The following EHBP1 variants were observed in gnomAD, a reference collection of about 807,000 sequenced individuals.
EHBP1 encodes EH domain-binding protein 1.
A neutral mutation model predicts 144.0 loss-of-function variants in EHBP1; 55 were observed. The ratio of observed to expected loss-of-function variants is 0.38; its 90% CI spans 0.31 to 0.48. The LOEUF (loss-of-function observed/expected upper bound fraction) is 0.48. EHBP1 is among the 20% of genes least tolerant of loss of function. EHBP1 has a pLI of 0.98. For synonymous variants in EHBP1, 469 were observed against 472.7 expected (o/e 0.99, Z 0.10); for missense variants, 1,200 against 1,364.2 (o/e 0.88, Z 1.90).
At chr2:62,853,009 T>C (rs557821677) in intron 7 of EHBP1, among the ~76,000 whole-genome samples, 13 of 152,220 alleles carry the variant, frequency 8.5e-5, no homozygotes, top group Non-Finnish European at 1.6e-4. Flanking sequence ...TGGTTTACTT[T>C]GACTATCTCA....
chr2:62,785,550 A>G (rs1462300043), intron 5 of EHBP1, among the ~76,000 whole-genome samples: 2 of 152,332 alleles, frequency 1.3e-5, no homozygotes, highest in South Asian at 2.1e-4. Flanking sequence ...CTTAGTCAGT[A>G]TAGAGAACAC....
intron 10 of EHBP1, among the ~76,000 whole-genome samples, chr2:62,927,522 G>A (rs1157385021): frequency 6.6e-6 from 1 of 151,924 alleles, no homozygotes; most frequent in Admixed American, 6.6e-5. Context: ...AAGAGACAAA[G>A]GACATTATAT....
At chr2:62,950,425 C>T (rs1175751533) in intron 13 of EHBP1, among the ~76,000 whole-genome samples, 1 of 152,002 alleles carries the variant, frequency 6.6e-6, no homozygotes, top group Middle Eastern at 3.2e-3. Flanking sequence ...TTGAGATTTA[C>T]AAAATATGTA....
chr2:62,847,529 C>G (rs1430452245), intron 7 of EHBP1, among the ~76,000 whole-genome samples: 2 of 152,092 alleles, frequency 1.3e-5, no homozygotes, highest in Non-Finnish European at 2.9e-5. Context: ...AAAACTTACA[C>G]TAATCAAAAT....
chr2:62,769,821 G>T (rs1014333636), intron 4 of EHBP1, among the ~76,000 whole-genome samples: 3 of 144,446 alleles, frequency 2.1e-5, no homozygotes, highest in African/African-American at 7.5e-5. Context: ...AAAAAAGCAG[G>T]CATGTAGACT....
At chr2:62,993,058 G>A (rs936497893) in intron 16 of EHBP1, among the ~76,000 whole-genome samples, 1 of 152,154 alleles carries the variant, frequency 6.6e-6, no homozygotes, top group African/African-American at 2.4e-5. Flanking sequence ...TTCCTTAGCT[G>A]TAAAGGGCTT....
intron 14 of EHBP1, among the ~76,000 whole-genome samples, chr2:62,969,224 A>G (rs778848870): frequency 1.3e-5 from 2 of 152,290 alleles, no homozygotes; most frequent in Non-Finnish European, 2.9e-5. Flanking sequence ...CTAGGAATTC[A>G]TATGTATTAA....
chr2:62,993,439 T>C, intron 16 of EHBP1, 91 bp from the exon 17 acceptor site: 1 of 1,185,280 alleles, frequency 8.4e-7, no homozygotes, highest in Non-Finnish European at 1.1e-6. Context: ...TAAATCAGTG[T>C]TATCTTAAAT....
intron 5 of EHBP1, among the ~76,000 whole-genome samples, chr2:62,774,984 A>G (rs965023834): frequency 6.6e-6 from 1 of 152,240 alleles, no homozygotes; most frequent in East Asian, 1.9e-4. Context: ...AAATAAATAC[A>G]TAATGTATGC....
intron 10 of EHBP1, 82 bp downstream of exon 10, chr2:62,874,614 A>C: frequency 8.5e-7 from 1 of 1,179,116 alleles, no homozygotes; most frequent in Non-Finnish European, 1.2e-6. Context: ...AAGAAAAGTA[A>C]TTTTTGGCTA....
intron 6 of EHBP1, among the ~76,000 whole-genome samples, chr2:62,830,385 G>A (rs1003550979): frequency 1.3e-5 from 2 of 151,832 alleles, no homozygotes; most frequent in Middle Eastern, 3.4e-3. Flanking sequence ...CACCTGCCTC[G>A]GCCTCCCAAA....
chr2:62,776,258 A>G (rs2042046472), intron 5 of EHBP1, among the ~76,000 whole-genome samples: 1 of 152,202 alleles, frequency 6.6e-6, no homozygotes, highest in Admixed American at 6.5e-5. Context: ...TTTGGACCAG[A>G]AACTTTAGAG....
intron 5 of EHBP1, among the ~76,000 whole-genome samples, chr2:62,805,438 A>G (rs919846331): frequency 3.3e-5 from 5 of 150,310 alleles, no homozygotes; most frequent in Non-Finnish European, 7.4e-5. Context: ...GGACTTATGT[A>G]TAGTCTTGTT....
intron 1 of EHBP1, among the ~76,000 whole-genome samples, chr2:62,700,116 G>C (rs1282700056): frequency 2.0e-5 from 3 of 151,958 alleles, no homozygotes; most frequent in Non-Finnish European, 4.4e-5. Context: ...TTCTAATGCA[G>C]CTTTTCTAAG....
intron 3 of EHBP1, among the ~76,000 whole-genome samples, chr2:62,749,253 A>C (rs1196135297): frequency 6.6e-6 from 1 of 151,328 alleles, no homozygotes; most frequent in Non-Finnish European, 1.5e-5. Context: ...TTTTGTCCTT[A>C]AGATAGTTTG....
intron 2 of EHBP1, among the ~76,000 whole-genome samples, chr2:62,721,567 G>A (rs796276489): frequency 3.3e-5 from 5 of 152,336 alleles, no homozygotes; most frequent in African/African-American, 1.2e-4. Context: ...CTGGGGGGAA[G>A]ATGCTTTGAA....
At chr2:62,675,919 G>T (rs1558501908) in intron 1 of EHBP1, among the ~76,000 whole-genome samples, 1 of 151,656 alleles carries the variant, frequency 6.6e-6, no homozygotes, top group African/African-American at 2.4e-5. Flanking sequence ...TGGCCCACAA[G>T]TTTTTTTTTA....
upstream of EHBP1, among the ~76,000 whole-genome samples, chr2:62,703,236 A>G (rs935595472): frequency 1.3e-5 from 2 of 151,966 alleles, no homozygotes; most frequent in East Asian, 1.9e-4. Context: ...TCGTGGTAGC[A>G]TGCGACTGTA....
At chr2:62,795,020 C>T (rs921730486) in intron 5 of EHBP1, among the ~76,000 whole-genome samples, 7 of 151,140 alleles carry the variant, frequency 4.6e-5, no homozygotes, top group South Asian at 2.1e-4. Flanking sequence ...GTTAATCATT[C>T]GTAACTAATG....
Sources: allele counts gnomAD v4.1 joint callset (sites outside exome capture counted in the v4.1 genomes callset), GRCh38; gene constraint gnomAD v4.1.1; transcripts MANE v1.5; gene names NCBI Gene and HGNC (gene_info 2026-07-23, HGNC 2026-07-21).